GPR176: variants seen among roughly 807,000 people sequenced by gnomAD.
GPR176 encodes the protein G protein-coupled receptor 176.
GPR176 carries 26 observed loss-of-function variants against 35.4 expected under a neutral mutation model. The ratio of observed to expected loss-of-function variants is 0.74; its 90% CI spans 0.54 to 1.02. The LOEUF is 1.02. Ranked by LOEUF, GPR176 falls within the 50% of genes least tolerant of loss-of-function variation. The probability of loss-of-function intolerance (pLI) is 0.00; values close to 1 mark genes in which losing one functional copy is unlikely to be tolerated. For missense variants in GPR176, 597 were observed against 665.3 expected (o/e 0.90, Z 1.13); for synonymous variants, 278 against 271.3 (o/e 1.02, Z -0.24).
rs558643115 is a variant in GPR176 at position 39,904,800 on chromosome 15, G to A, written c.172+15055C>T. On this transcript the variant is annotated intron_variant, in intron 1 of 2. Coordinates refer to ENST00000561100, the MANE Select transcript of GPR176 (RefSeq NM_007223.3). ...GACCAGGGTGTGAGAGCAATGGCAT[G>A]GGGTCACGTCAGGGCTTGTCCAAGA... 1.4e-4 allele frequency among the ~76,000 whole-genome samples: 22 copies of A among 152,310 alleles called. No individual in the cohort carries two copies. In the South Asian group the frequency reaches 4.4e-3, roughly 30 times the overall value.
At chr15:39,869,152 TAAAAAAAA>T (rs66463189) in intron 1 of GPR176, among the ~76,000 whole-genome samples, 30 of 130,006 alleles carry the variant, frequency 2.3e-4, no homozygotes, top group Admixed American at 6.2e-4. Flanking sequence ...AACTGCTTTT[TAAAAAAAA>T]AAAAAAAAAA....
intron 1 of GPR176, among the ~76,000 whole-genome samples, chr15:39,834,573 A>G (rs766677280): frequency 3.3e-5 from 5 of 152,174 alleles, no homozygotes; most frequent in Non-Finnish European, 4.4e-5. Context: ...TGTGATACAT[A>G]TACACAATGG....
intron 1 of GPR176, among the ~76,000 whole-genome samples, chr15:39,838,343 T>G (rs1901535704): frequency 6.6e-6 from 1 of 152,146 alleles, no homozygotes; most frequent in Non-Finnish European, 1.5e-5. Context: ...ATTTTGCTGC[T>G]CAGCCTTCAT....
chr15:39,854,231 G>A (rs1195267400), intron 1 of GPR176, among the ~76,000 whole-genome samples: 2 of 152,100 alleles, frequency 1.3e-5, no homozygotes, highest in African/African-American at 4.8e-5. Flanking sequence ...AAGGCAATCA[G>A]GACCTGTGAT....
rs139580591 is a variant in GPR176 at position 39,832,809 on chromosome 15, G to A, written c.173-25551C>T. Among the ~76,000 whole-genome samples the A allele has an allele frequency of 2.9e-3, 437 of 152,258 alleles. 3 individuals are homozygous for A. The highest frequency in any genetic ancestry group is 0.01 in the African/African-American group (416 of 41,552). On this transcript the variant is annotated intron_variant, in intron 1 of 2. Coordinates refer to ENST00000561100, the MANE Select transcript of GPR176 (RefSeq NM_007223.3). ...CAAACTTGTTTTAGAGGGTGTCCCT[G>A]TTCCTTGACTTGTGGTTCCTTCCAT...
chr15:39,913,857 T>C (rs1450639785), intron 1 of GPR176, among the ~76,000 whole-genome samples: 6 of 152,078 alleles, frequency 3.9e-5, no homozygotes, highest in Non-Finnish European at 7.4e-5. Context: ...CCATCCTGGC[T>C]AACACGGTGA....
chr15:39,892,147 A>G (rs1305311077), intron 1 of GPR176, among the ~76,000 whole-genome samples: 1 of 152,236 alleles, frequency 6.6e-6, no homozygotes, highest in Non-Finnish European at 1.5e-5. Flanking sequence ...CATCCTTAGG[A>G]ATAAGACTTA....
In GPR176 at chr15:39,801,178, A is replaced by G; in HGVS notation, c.1502T>C (p.Met501Thr). The G allele has an allele frequency of 6.2e-7, 1 of 1,612,624 alleles. No individual in the cohort carries two copies. The highest frequency in any genetic ancestry group is 8.5e-7 in the Non-Finnish European group (1 of 1,179,196). ...VPKVGRVERK[M>T]SRNNKVSIFP... Reference sequence around the variant, plus strand: ...AATGCTCACTTTATTGTTTCTGCTCATCTTCCGCTCCACCCTGCCTACCTT... The same window carrying G: ...AATGCTCACTTTATTGTTTCTGCTCGTCTTCCGCTCCACCCTGCCTACCTT... Residue 501 changes from methionine (M) to threonine (T), a missense_variant, in exon 3 of 3, where the codon ATG becomes ACG. Met to Thr is a moderately conservative substitution (Grantham distance 81). Transcript: ENST00000561100.
chr15:39,803,073 T>C (rs1898984290), intron 2 of GPR176, among the ~76,000 whole-genome samples: 3 of 152,146 alleles, frequency 2.0e-5, no homozygotes. Flanking sequence ...TTGAGGGAAC[T>C]GAATAACTCT....
rs1387289531 is a variant in GPR176 at position 39,822,364 on chromosome 15, ATTTACCT to A, written c.173-15113_173-15107del. Among the ~76,000 whole-genome samples the A allele has an allele frequency of 3.9e-5, 6 of 152,358 alleles. No homozygotes were observed. In the East Asian group the frequency reaches 1.2e-3, roughly 29 times the overall value. ...TCATCTTCAGAATGAAAATGATAAA[ATTTACCT>A]TTTAGAGCTGTCGTATTAAATGAGA... On this transcript the variant is annotated intron_variant, in intron 1 of 2. Transcript: ENST00000561100.
intron 1 of GPR176, among the ~76,000 whole-genome samples, chr15:39,871,861 A>G (rs900940352): frequency 6.6e-6 from 1 of 152,232 alleles, no homozygotes; most frequent in Admixed American, 6.5e-5. Context: ...AAGCACATAC[A>G]TTCATCTAAT....
intron 1 of GPR176, among the ~76,000 whole-genome samples, chr15:39,899,649 A>G (rs190154477): frequency 6.6e-6 from 1 of 152,248 alleles, no homozygotes; most frequent in African/African-American, 2.4e-5. Context: ...AGTAGTCACT[A>G]GGAGCCAGCT....
chr15:39,898,487 G>A (rs941717882), intron 1 of GPR176, among the ~76,000 whole-genome samples: 2 of 152,152 alleles, frequency 1.3e-5, no homozygotes, highest in Non-Finnish European at 2.9e-5. Flanking sequence ...AGAGTGAAAG[G>A]AACAGCTGAA....
At chr15:39,853,632 C>T (rs2031017613) in intron 1 of GPR176, among the ~76,000 whole-genome samples, 1 of 152,106 alleles carries the variant, frequency 6.6e-6, no homozygotes. Context: ...AGAATAGTGG[C>T]TCTCAATCAG....
chr15:39,913,293 C>T (rs950317730), intron 1 of GPR176, among the ~76,000 whole-genome samples: 2 of 152,008 alleles, frequency 1.3e-5, no homozygotes, highest in Non-Finnish European at 2.9e-5. Flanking sequence ...ACCTATAATC[C>T]CAGCACTTCG....
intron 1 of GPR176, among the ~76,000 whole-genome samples, chr15:39,913,044 T>C (rs1011550490): frequency 2.0e-5 from 3 of 152,144 alleles, no homozygotes; most frequent in Non-Finnish European, 2.9e-5. Flanking sequence ...TGCCAAAAAG[T>C]AGAAACAACC....
chr15:39,888,374 C>T (rs147867614), intron 1 of GPR176, among the ~76,000 whole-genome samples: 1 of 152,144 alleles, frequency 6.6e-6, no homozygotes, highest in East Asian at 1.9e-4. Flanking sequence ...TATCCTTAAA[C>T]TCCTGGGCTC....
At chr15:39,828,439 C>T (rs1900832259) in intron 1 of GPR176, among the ~76,000 whole-genome samples, 1 of 152,196 alleles carries the variant, frequency 6.6e-6, no homozygotes, top group South Asian at 2.1e-4. Context: ...GCCAGTGCTA[C>T]TTAGGATGCT....
chr15:39,911,154 T>C (rs1323358490), intron 1 of GPR176, among the ~76,000 whole-genome samples: 3 of 152,196 alleles, frequency 2.0e-5, no homozygotes, highest in Non-Finnish European at 4.4e-5. Flanking sequence ...AATTTTTTTC[T>C]GTATTTTTTA....
Sources: gnomAD v4.1 joint callset for allele counts (sites outside exome capture counted in the v4.1 genomes callset) on GRCh38, gnomAD v4.1.1 for gene constraint, MANE v1.5 for transcripts, NCBI Gene and HGNC (gene_info 2026-07-23, HGNC 2026-07-21) for gene names.